The following PPP1R42 variants were observed in gnomAD, a reference collection of about 807,000 sequenced individuals.
PPP1R42 encodes leucine rich repeat containing 67.
PPP1R42 carries 34 observed loss-of-function variants against 31.0 expected under a neutral mutation model. The observed-to-expected ratio is 1.10, with a 90% confidence interval of 0.83 to 1.46. The LOEUF (loss-of-function observed/expected upper bound fraction) is 1.46, where lower values mean the gene tolerates loss of function less well. PPP1R42 is among the 40% of genes most tolerant of loss of function. PPP1R42 has a pLI of 0.00. For missense variants in PPP1R42, 268 were observed against 303.0 expected, an observed-to-expected ratio of 0.88 and a Z score of 0.86; for synonymous variants, 103 against 109.8, an observed-to-expected ratio of 0.94 and a Z score of 0.39.
intron 7 of PPP1R42, among the ~76,000 whole-genome samples, chr8:66,971,949 G>C (rs1382050092): frequency 6.6e-6 from 1 of 152,158 alleles, no homozygotes; most frequent in Non-Finnish European, 1.5e-5. Context: ...AAGAATTCCT[G>C]TTCCCTTACA....
intron 5 of PPP1R42, among the ~76,000 whole-genome samples, chr8:66,994,223 C>T (rs971523460): frequency 6.6e-6 from 1 of 152,090 alleles, no homozygotes; most frequent in African/African-American, 2.4e-5. Context: ...TGCTTGGCTA[C>T]CCAGCTTCTT....
rs772400370 is a variant in PPP1R42, at chr8:67,013,025, A to G, written c.368T>C (p.Val123Ala). ...CCCAAGGGGAAGCCTCTGATTCTCA[A>G]CATGAAGCTCTCTTAGTTCTCCTAA... is the stretch of plus-strand genomic sequence containing the variant. ...EGLGELRELHVENQRLPLGEK... is the reference protein window; with the variant it reads ...EGLGELRELHAENQRLPLGEK... Residue 123 changes from valine to alanine, a missense_variant, in exon 4 of 8, where the codon GTT (valine) becomes GCT (alanine). Transcript: ENST00000685739. 6 of 1,612,568 alleles carry G rather than the reference A, an allele frequency of 3.7e-6. No homozygotes were observed. In the South Asian group the frequency reaches 5.5e-5, roughly 15 times the overall value.
chr8:67,015,853 G>C (rs1311876953), intron 2 of PPP1R42, among the ~76,000 whole-genome samples: 1 of 152,164 alleles, frequency 6.6e-6, no homozygotes, highest in Non-Finnish European at 1.5e-5. Context: ...AAATTTCTCA[G>C]CCTTCATTAA....
At chr8:66,966,772 G>A (rs1434279910) in intron 7 of PPP1R42, among the ~76,000 whole-genome samples, 2 of 151,642 alleles carry the variant, frequency 1.3e-5, no homozygotes, top group Non-Finnish European at 2.9e-5. Flanking sequence ...GTGACAGAGC[G>A]AGACTCCGTC....
chr8:66,985,204 C>T lies in PPP1R42; in HGVS notation c.671-3024G>A, dbSNP rs543372416. 6.8e-4 allele frequency: 764 copies of T among 1,131,168 alleles called. 2 individuals are homozygous for T. The highest frequency in any genetic ancestry group is 6.4e-4 in the Non-Finnish European group (476 of 743,152). 70.1% of individuals were successfully genotyped at this position (1,131,168 alleles called of 1,614,324 possible). A position where few individuals can be genotyped will look rare whatever the true frequency, so the allele number is the denominator to read the frequency against. On this transcript the variant is annotated intron_variant, in intron 6 of 7. Transcript: ENST00000685739. ...CTCCAGTTGAGCCTTTGTCCTTAAT[C>T]GCTGAGCAGTCTTCTCAAATTTGCC...
chr8:66,967,703 A>C (rs139204729), intron 7 of PPP1R42, among the ~76,000 whole-genome samples: 2 of 152,344 alleles, frequency 1.3e-5, no homozygotes, highest in African/African-American at 4.8e-5. Context: ...TATACAGTGA[A>C]TATTTCCTGT....
chr8:66,998,328 A>G (rs1815391734), intron 5 of PPP1R42, among the ~76,000 whole-genome samples: 1 of 152,192 alleles, frequency 6.6e-6, no homozygotes. Flanking sequence ...ATGCCATTTT[A>G]AAAAAATTCA....
intron 6 of PPP1R42, among the ~76,000 whole-genome samples, chr8:66,983,965 G>A (rs1335308503): frequency 1.3e-5 from 2 of 151,968 alleles, no homozygotes; most frequent in African/African-American, 4.8e-5. Flanking sequence ...GGGAATAAAG[G>A]GCAACACCAG....
At chr8:66,967,648 A>G (rs1362918723) in intron 7 of PPP1R42, among the ~76,000 whole-genome samples, 3 of 152,214 alleles carry the variant, frequency 2.0e-5, no homozygotes, top group Non-Finnish European at 4.4e-5. Flanking sequence ...TAATGCTTCC[A>G]TATTCTAACA....
chr8:66,970,237 C>G (rs1310132028), intron 7 of PPP1R42, among the ~76,000 whole-genome samples: 2 of 152,020 alleles, frequency 1.3e-5, no homozygotes, highest in Non-Finnish European at 2.9e-5. Flanking sequence ...CTCAAGTGAC[C>G]CTCCCACTTC....
chr8:66,982,337 T>G lies in PPP1R42; in HGVS notation c.671-157A>C, dbSNP rs1029506762. The G allele has an allele frequency of 1.0e-4, 40 of 399,612 alleles. No individual in the cohort carries two copies. The Admixed American group carries it at 1.7e-3, about 17-fold the overall frequency. 24.8% of individuals were successfully genotyped at this position (399,612 alleles called of 1,614,324 possible). A position where few individuals can be genotyped will look rare whatever the true frequency, so the allele number is the denominator to read the frequency against. Reference sequence around the variant, plus strand: ...ATTAATTATACAACGCATGTACTTTTGTTGAGATTTTATTTATAGATTTTT... The same window carrying G: ...ATTAATTATACAACGCATGTACTTTGGTTGAGATTTTATTTATAGATTTTT... On this transcript the variant is annotated intron_variant, in intron 6 of 7. Coordinates refer to ENST00000685739, the MANE Select transcript of PPP1R42 (RefSeq NM_001364910.1).
At chr8:67,026,334 A>G (rs1201079318) in intron 1 of PPP1R42, among the ~76,000 whole-genome samples, 1 of 149,196 alleles carries the variant, frequency 6.7e-6, no homozygotes, top group Non-Finnish European at 1.5e-5. Flanking sequence ...GTGAAACTCC[A>G]TCTCAAAAAA....
intron 1 of PPP1R42, among the ~76,000 whole-genome samples, chr8:67,019,965 G>C (rs1460610873): frequency 1.3e-5 from 2 of 152,000 alleles, no homozygotes; most frequent in Non-Finnish European, 2.9e-5. Context: ...TCAAGCTAGT[G>C]ACAGTTGAGA....
chr8:66,976,956 T>C lies in PPP1R42; in HGVS notation c.802+5093A>G, dbSNP rs549861587. On this transcript the variant is annotated intron_variant, in intron 7 of 7. Coordinates refer to ENST00000685739, the MANE Select transcript of PPP1R42 (RefSeq NM_001364910.1). ...TTGCTAGATCATATGGTAGTTCTTCTTCTTTTTTTAATTCAAGGAATTTTT... is the reference window on the plus strand; with the variant it reads ...TTGCTAGATCATATGGTAGTTCTTCCTCTTTTTTTAATTCAAGGAATTTTT... Among the ~76,000 whole-genome samples, 15 of 152,250 alleles carry C rather than the reference T, an allele frequency of 9.9e-5. No individual in the cohort carries two copies. The South Asian group carries it at 2.7e-3, about 27-fold the overall frequency.
intron 7 of PPP1R42, chr8:66,971,254 C>T: frequency 1.6e-6 from 1 of 637,302 alleles, no homozygotes; most frequent in East Asian, 3.3e-5. Flanking sequence ...AATGAATACA[C>T]AGTAAAACTA....
chr8:67,004,798 G>C (rs1307672486), intron 5 of PPP1R42, among the ~76,000 whole-genome samples: 1 of 152,094 alleles, frequency 6.6e-6, no homozygotes, highest in Non-Finnish European at 1.5e-5. Flanking sequence ...ATCCTGAGCT[G>C]CCTGTTTATT....
chr8:67,017,248 C>T (rs904946000), intron 2 of PPP1R42, among the ~76,000 whole-genome samples: 5 of 152,018 alleles, frequency 3.3e-5, no homozygotes, highest in African/African-American at 1.2e-4. Context: ...CCAAGGCAGG[C>T]GGATCACTTC....
At chr8:67,003,566 G>T (rs1378251190) in intron 5 of PPP1R42, among the ~76,000 whole-genome samples, 1 of 151,730 alleles carries the variant, frequency 6.6e-6, no homozygotes, top group Non-Finnish European at 1.5e-5. Context: ...CACATATTTT[G>T]TCTAGGTTTC....
At chr8:67,007,309 C>T (rs1035146525) in intron 5 of PPP1R42, among the ~76,000 whole-genome samples, 2 of 152,158 alleles carry the variant, frequency 1.3e-5, no homozygotes, top group Non-Finnish European at 2.9e-5. Flanking sequence ...TTCAGTTGCC[C>T]TCAGTCACCT....
Sources: allele counts gnomAD v4.1 joint callset (sites outside exome capture counted in the v4.1 genomes callset), GRCh38; gene constraint gnomAD v4.1.1; transcripts MANE v1.5; gene names NCBI Gene and HGNC (gene_info 2026-07-23, HGNC 2026-07-21).